Variants in ITCH observed in about 807,000 individuals in gnomAD.
ITCH encodes the protein itchy E3 ubiquitin protein ligase.
Under a neutral mutation model 126.8 loss-of-function variants are expected in ITCH, and 28 were observed. The observed-to-expected ratio is 0.22, with a 90% CI of 0.16 to 0.30. The LOEUF is 0.30. Among genes scored for constraint, ITCH ranks in the 10% least tolerant of loss-of-function variants. ITCH has a pLI of 1.00. For synonymous variants in ITCH, 342 were observed against 340.0 expected (o/e 1.01, Z -0.06); for missense variants, 631 against 1,032.4 (o/e 0.61, Z 5.33).
At chr20:34,391,575 A>G (rs1225841107) in intron 2 of ITCH, among the ~76,000 whole-genome samples, 1 of 152,202 alleles carries the variant, frequency 6.6e-6, no homozygotes, top group Non-Finnish European at 1.5e-5. Flanking sequence ...GCCAATTGAT[A>G]ATATACATTA....
intron 3 of ITCH, chr20:34,402,423 T>A (rs2038918771): frequency 1.3e-6 from 1 of 772,630 alleles, no homozygotes; most frequent in African/African-American, 1.7e-5. Context: ...GGCACCCACT[T>A]TTCTTTCACA....
At chr20:34,503,677 C>T (rs149671806) in intron 23 of ITCH, among the ~76,000 whole-genome samples, 22 of 151,966 alleles carry the variant, frequency 1.4e-4, no homozygotes, top group Admixed American at 5.2e-4. Flanking sequence ...TGTGTTATTC[C>T]GGCTAAAGAA....
At chr20:34,435,018 A>G (rs1212203605) in intron 7 of ITCH, among the ~76,000 whole-genome samples, 1 of 152,094 alleles carries the variant, frequency 6.6e-6, no homozygotes, top group African/African-American at 2.4e-5. Flanking sequence ...GTCCTACCAA[A>G]TTATTAATTT....
chr20:34,367,182 T>C (rs2037451799), intron 1 of ITCH, among the ~76,000 whole-genome samples: 1 of 152,122 alleles, frequency 6.6e-6, no homozygotes, highest in African/African-American at 2.4e-5. Context: ...AAGTTTGTTA[T>C]TGTTACTATT....
intron 2 of ITCH, chr20:34,384,069 C>G (rs1271658545): frequency 6.6e-6 from 1 of 152,228 alleles, no homozygotes; most frequent in East Asian, 1.9e-4. Flanking sequence ...CTCTTGAACT[C>G]CTGACCTCAG....
At chr20:34,385,092 G>T (rs1227199266) in intron 2 of ITCH, among the ~76,000 whole-genome samples, 1 of 151,428 alleles carries the variant, frequency 6.6e-6, no homozygotes. Flanking sequence ...TCAGCTCACT[G>T]TAACCTCTGC....
chr20:34,408,837 T>C, intron 4 of ITCH, 45 bp downstream of exon 4: 1 of 1,583,106 alleles, frequency 6.3e-7, no homozygotes, highest in Non-Finnish European at 8.7e-7. Context: ...GTTTAGTAGA[T>C]GATTGGAAAT....
At chr20:34,431,734 T>C (rs1453439978) in intron 7 of ITCH, among the ~76,000 whole-genome samples, 2 of 151,990 alleles carry the variant, frequency 1.3e-5, no homozygotes, top group Non-Finnish European at 2.9e-5. Context: ...AAGAGAAAAA[T>C]GTTCTTTAAA....
chr20:34,391,517 A>C (rs933757144), intron 2 of ITCH, among the ~76,000 whole-genome samples: 1 of 152,218 alleles, frequency 6.6e-6, no homozygotes, highest in African/African-American at 2.4e-5. Context: ...TGATACCTGC[A>C]TAGTAATCTG....
At chr20:34,373,952 T>G (rs2037739682) in intron 2 of ITCH, among the ~76,000 whole-genome samples, 1 of 152,080 alleles carries the variant, frequency 6.6e-6, no homozygotes, top group African/African-American at 2.4e-5. Context: ...TGGCACAGTC[T>G]TGGCTGACTG....
intron 2 of ITCH, among the ~76,000 whole-genome samples, chr20:34,377,688 A>G (rs2037899250): frequency 6.6e-6 from 1 of 151,878 alleles, no homozygotes; most frequent in South Asian, 2.1e-4. Flanking sequence ...ACATGGAGAA[A>G]CCCTGTCTCT....
At chr20:34,398,247 G>C (rs1044453905) in intron 3 of ITCH, among the ~76,000 whole-genome samples, 4 of 151,864 alleles carry the variant, frequency 2.6e-5, no homozygotes, top group African/African-American at 9.7e-5. Flanking sequence ...ATTTTTTATA[G>C]AGATGGCGTT....
At chr20:34,459,444 G>T (rs996771336) in intron 13 of ITCH, among the ~76,000 whole-genome samples, 1 of 152,128 alleles carries the variant, frequency 6.6e-6, no homozygotes, top group African/African-American at 2.4e-5. Context: ...AGTTCCTCCA[G>T]AGGTCGGAAC....
At chr20:34,423,420 TA>T (rs1427844742) in intron 6 of ITCH, among the ~76,000 whole-genome samples, 2 of 152,226 alleles carry the variant, frequency 1.3e-5, no homozygotes, top group African/African-American at 4.8e-5. Context: ...TTTTTTGTAA[TA>T]TGGTAATAAT....
At chr20:34,457,114 C>A (rs1312943787) in intron 12 of ITCH, among the ~76,000 whole-genome samples, 1 of 152,046 alleles carries the variant, frequency 6.6e-6, no homozygotes, top group Non-Finnish European at 1.5e-5. Flanking sequence ...GTTCATTATT[C>A]TTGCTGCTGT....
At chr20:34,465,162 C>T (rs1253533703) in intron 14 of ITCH, among the ~76,000 whole-genome samples, 1 of 152,202 alleles carries the variant, frequency 6.6e-6, no homozygotes, top group African/African-American at 2.4e-5. Context: ...ACTGTCCTTT[C>T]CCCATTGCAT....
At chr20:34,421,690 T>G (rs1980791908) in intron 6 of ITCH, among the ~76,000 whole-genome samples, 1 of 152,158 alleles carries the variant, frequency 6.6e-6, no homozygotes. Context: ...TAGTTATGGC[T>G]TCACTTTATA....
At chr20:34,404,608 C>T (rs2038993385) in intron 3 of ITCH, among the ~76,000 whole-genome samples, 1 of 151,896 alleles carries the variant, frequency 6.6e-6, no homozygotes, top group Non-Finnish European at 1.5e-5. Flanking sequence ...TTAGTAGAGA[C>T]AGGGTTTCAC....
chr20:34,452,304 T>A (rs972662569), intron 12 of ITCH, among the ~76,000 whole-genome samples: 5 of 152,248 alleles, frequency 3.3e-5, no homozygotes, highest in Non-Finnish European at 7.3e-5. Context: ...TTCTCATTTT[T>A]ACTTTAGCCA....
Sources: gnomAD v4.1 joint callset for allele counts (sites outside exome capture counted in the v4.1 genomes callset) on GRCh38, gnomAD v4.1.1 for gene constraint, MANE v1.5 for transcripts, NCBI Gene and HGNC (gene_info 2026-07-23, HGNC 2026-07-21) for gene names.